Variants in FAT3 observed in about 807,000 individuals in gnomAD.
FAT3 encodes FAT atypical cadherin 3, also known as protocadherin Fat 3.
A neutral mutation model predicts 310.2 loss-of-function variants in FAT3; 95 were observed. The observed-to-expected ratio is 0.31, with a 90% confidence interval of 0.26 to 0.36. The LOEUF is 0.36. Ranked by LOEUF, FAT3 falls within the 10% of genes least tolerant of loss-of-function variation. FAT3 has a pLI of 1.00. For missense variants in FAT3, 5,408 were observed against 5,715.6 expected (o/e 0.95, Z 1.74); for synonymous variants, 2,314 against 2,192.9 (o/e 1.06, Z -1.54).
chr11:92,262,037 C>T (rs1005967285), intron 1 of FAT3, among the ~76,000 whole-genome samples: 2 of 151,782 alleles, frequency 1.3e-5, no homozygotes, highest in Non-Finnish European at 2.9e-5. Context: ...TGGACTCTAG[C>T]ATTGTTCCCA....
chr11:92,527,270 G>A (rs941761256), intron 3 of FAT3, among the ~76,000 whole-genome samples: 1 of 152,150 alleles, frequency 6.6e-6, no homozygotes, highest in Non-Finnish European at 1.5e-5. Context: ...CCAGCTTCAT[G>A]ACCTTGGGGA....
chr11:92,648,071 T>G (rs1390931375), intron 3 of FAT3, among the ~76,000 whole-genome samples: 3 of 152,192 alleles, frequency 2.0e-5, no homozygotes, highest in African/African-American at 7.2e-5. Context: ...GGTCAAGGAA[T>G]GAAGACATTG....
chr11:92,270,761 G>C (rs960898099), intron 1 of FAT3, among the ~76,000 whole-genome samples: 4 of 151,926 alleles, frequency 2.6e-5, no homozygotes, highest in African/African-American at 9.7e-5. Context: ...CTCCCACTTA[G>C]ATATTTGAGA....
chr11:92,675,471 T>C (rs1943258228), intron 3 of FAT3, among the ~76,000 whole-genome samples: 1 of 152,198 alleles, frequency 6.6e-6, no homozygotes. Flanking sequence ...GCAGATGTGT[T>C]ATAGCTGAAT....
intron 3 of FAT3, among the ~76,000 whole-genome samples, chr11:92,669,592 G>T (rs538243300): frequency 3.0e-4 from 45 of 152,142 alleles, no homozygotes; most frequent in Non-Finnish European, 5.1e-4. Context: ...GCCTGTCTTT[G>T]TTCTGACCCC....
At position 92,524,639 on chromosome 11, in the gene FAT3, A is replaced by G; in HGVS notation, c.3298A>G (p.Ile1100Val). The G allele has an allele frequency of 1.9e-6, 3 of 1,612,236 alleles. No individual in the cohort carries two copies. The highest frequency in any genetic ancestry group is 2.5e-6 in the Non-Finnish European group (3 of 1,178,540). The change falls in exon 3 of 28, where the codon ATC becomes GTC. Residue 1100 changes from isoleucine to valine, a missense_variant. Physicochemically the swap from Ile to Val is conservative, Grantham distance 29. Around this residue, in one of 5 missense-constraint regions of FAT3, gnomAD observed 4,588 missense variants for 4,809.8 expected, o/e 0.95. Coordinates refer to ENST00000525166, the MANE Select transcript of FAT3 (RefSeq NM_001367949.2). ...RFSIDDESGV[I>V]TAADILDRET... The stretch of plus-strand genomic sequence containing the variant: ...ACTTCTCTTTTTTGTCTCAGGGGTC[A>G]TCACTGCCGCAGACATTCTTGATCG...
At position 92,263,871 on chromosome 11, in the gene FAT3, ATAT is replaced by A. The variant is rs1244238500; in HGVS notation, c.-18+38700_-18+38702del. On this transcript the variant is annotated intron_variant, in intron 1 of 27. Coordinates refer to ENST00000525166, the MANE Select transcript of FAT3 (RefSeq NM_001367949.2). The stretch of plus-strand genomic sequence containing the variant: ...CCCCAAGAGCAGGGATCTGCATTTG[ATAT>A]TAGCCCTTAGTGGAAAGAAAGCTGA... Among the ~76,000 whole-genome samples the A allele has an allele frequency of 1.2e-4, 18 of 152,158 alleles. 1 individual carries two copies. Among genetic ancestry groups the A allele is most frequent in the African/African-American group, 4.1e-4 (17 of 41,538 alleles).
intron 3 of FAT3, among the ~76,000 whole-genome samples, chr11:92,531,527 A>G (rs985183241): frequency 6.6e-6 from 1 of 152,060 alleles, no homozygotes; most frequent in Non-Finnish European, 1.5e-5. Context: ...CTGGGACCTT[A>G]TCCTGGGCAG....
intron 1 of FAT3, among the ~76,000 whole-genome samples, chr11:92,245,304 A>G (rs957492277): frequency 1.3e-5 from 2 of 151,868 alleles, no homozygotes; most frequent in Non-Finnish European, 2.9e-5. Context: ...GAACACATGG[A>G]CACAGGGAGG....
At chr11:92,846,813 G>T (rs948134894) in intron 19 of FAT3, among the ~76,000 whole-genome samples, 1 of 152,178 alleles carries the variant, frequency 6.6e-6, no homozygotes, top group Non-Finnish European at 1.5e-5. Context: ...AGAGCTTTGT[G>T]CAGAGTCAGG....
intron 1 of FAT3, among the ~76,000 whole-genome samples, chr11:92,269,645 G>A (rs539528995): frequency 1.3e-5 from 2 of 152,132 alleles, no homozygotes; most frequent in African/African-American, 4.8e-5. Context: ...AACCGTGCAT[G>A]TCTAGAGTGC....
At chr11:92,644,419 GGAA>G (rs1291833408) in intron 3 of FAT3, among the ~76,000 whole-genome samples, 1 of 152,136 alleles carries the variant, frequency 6.6e-6, no homozygotes, top group Non-Finnish European at 1.5e-5. Flanking sequence ...GTGATGCTGA[GGAA>G]GAAGTAGTTT....
chr11:92,338,216 T>A (rs1018144799), intron 1 of FAT3, among the ~76,000 whole-genome samples: 1 of 152,218 alleles, frequency 6.6e-6, no homozygotes, highest in African/African-American at 2.4e-5. Flanking sequence ...TTACATATGC[T>A]GTGTAAACTA....
Position 92,832,028 on chromosome 11 carries a change from G to A in FAT3, c.9871+17G>A. On this transcript the variant is annotated intron_variant, in intron 14 of 27. Transcript: ENST00000525166. Reference sequence around the variant, plus strand: ...CCAAGACAGGTGGGTAAATAGCACTGTACTTAGAATACAGAGCTTCAGCTT... The same window carrying A: ...CCAAGACAGGTGGGTAAATAGCACTATACTTAGAATACAGAGCTTCAGCTT... The A allele has an allele frequency of 6.6e-7, 1 of 1,521,536 alleles. No individual in the cohort carries two copies. Among genetic ancestry groups the A allele is most frequent in the Non-Finnish European group, 8.8e-7 (1 of 1,135,242 alleles). 94.3% of individuals were successfully genotyped at this position (1,521,536 alleles called of 1,614,324 possible). A position where few individuals can be genotyped will look rare whatever the true frequency, so the allele number is the denominator to read the frequency against.
chr11:92,617,767 C>T (rs930902305), intron 3 of FAT3, among the ~76,000 whole-genome samples: 5 of 152,148 alleles, frequency 3.3e-5, no homozygotes, highest in South Asian at 2.1e-4. Flanking sequence ...CTTGTTTGCC[C>T]GGGTGTCACC....
At chr11:92,856,425 A>T (rs914705961) in intron 19 of FAT3, among the ~76,000 whole-genome samples, 1 of 152,202 alleles carries the variant, frequency 6.6e-6, no homozygotes, top group Non-Finnish European at 1.5e-5. Context: ...CCTTTGGAAA[A>T]TGTGCTTCCT....
chr11:92,812,969 G>A (rs573418174), intron 13 of FAT3, among the ~76,000 whole-genome samples: 1 of 152,314 alleles, frequency 6.6e-6, no homozygotes, highest in South Asian at 2.1e-4. Flanking sequence ...TAGTGAGTGA[G>A]TTCTCATGAG....
At position 92,598,226 on chromosome 11, in the gene FAT3, A is replaced by ATTT. The variant is rs1490513946; in HGVS notation, c.3607+73279_3607+73280insTTT. On this transcript the variant is annotated intron_variant, in intron 3 of 27. Coordinates refer to ENST00000525166, the MANE Select transcript of FAT3 (RefSeq NM_001367949.2). ...AATATATATGTATACATATATATAT[A>ATTT]TATATTTTTTTTTTTTTTGAGACAA... is the stretch of plus-strand genomic sequence containing the variant. 7.4e-4 allele frequency among the ~76,000 whole-genome samples: 93 copies of ATTT among 125,648 alleles called. 1 individual carries two copies. Among genetic ancestry groups the ATTT allele is most frequent in the African/African-American group, 3.4e-3 (91 of 27,124 alleles). 82.4% of individuals were successfully genotyped at this position (125,648 alleles called of 152,430 possible).
intron 3 of FAT3, among the ~76,000 whole-genome samples, chr11:92,608,918 C>G (rs1474185665): frequency 6.6e-6 from 1 of 152,080 alleles, no homozygotes; most frequent in Admixed American, 6.5e-5. Context: ...CATGCCCAGG[C>G]TTCTGGAGGC....
Sources: allele counts gnomAD v4.1 joint callset (sites outside exome capture counted in the v4.1 genomes callset), GRCh38; gene constraint gnomAD v4.1.1; regional missense constraint gnomAD v4.1.1; transcripts MANE v1.5; gene names NCBI Gene and HGNC (gene_info 2026-07-23, HGNC 2026-07-21).